Variants in SGCZ observed in about 807,000 individuals in gnomAD.
SGCZ encodes the protein sarcoglycan zeta.
Under a neutral mutation model 41.3 loss-of-function variants are expected in SGCZ, and 40 were observed. The observed-to-expected ratio is 0.97, with a 90% CI of 0.75 to 1.26. The LOEUF is 1.26. SGCZ is among the 50% of genes most tolerant of loss of function. The probability of loss-of-function intolerance (pLI) is 0.00; values close to 1 mark genes in which losing one functional copy is unlikely to be tolerated. For synonymous variants in SGCZ, 206 were observed against 137.5 expected (o/e 1.50, Z -3.49); for missense variants, 552 against 369.8 (o/e 1.49, Z -4.04).
chr8:14,619,469 G>A (rs1054889589), intron 1 of SGCZ, among the ~76,000 whole-genome samples: 6 of 151,958 alleles, frequency 3.9e-5, no homozygotes, highest in East Asian at 1.9e-4. Context: ...AAAAATAAAG[G>A]GTATTCAATT....
intron 2 of SGCZ, among the ~76,000 whole-genome samples, chr8:14,426,044 T>G (rs1799773563): frequency 6.6e-6 from 1 of 151,820 alleles, no homozygotes; most frequent in Admixed American, 6.6e-5. Context: ...CAAGAATTCA[T>G]TTTTTTTCTA....
chr8:14,793,453 T>C (rs975779204), intron 1 of SGCZ, among the ~76,000 whole-genome samples: 1 of 151,920 alleles, frequency 6.6e-6, no homozygotes, highest in African/African-American at 2.4e-5. Context: ...AAATAAACAA[T>C]AAAAAATTAT....
intron 1 of SGCZ, among the ~76,000 whole-genome samples, chr8:14,780,285 G>A (rs1004216099): frequency 6.7e-6 from 1 of 149,866 alleles, no homozygotes; most frequent in African/African-American, 2.5e-5. Flanking sequence ...TGAGGCAGGA[G>A]AATAGCACGA....
chr8:14,677,933 A>G (rs993038743), intron 1 of SGCZ, among the ~76,000 whole-genome samples: 4 of 152,226 alleles, frequency 2.6e-5, no homozygotes, highest in Non-Finnish European at 4.4e-5. Context: ...TCAAGATAAT[A>G]TGGTACTGGT....
At chr8:14,673,413 G>A (rs1012968705) in intron 1 of SGCZ, among the ~76,000 whole-genome samples, 2 of 151,084 alleles carry the variant, frequency 1.3e-5, no homozygotes, top group East Asian at 2.0e-4. Context: ...GCTCTCTCTC[G>A]CGCTCGCGCT....
intron 1 of SGCZ, among the ~76,000 whole-genome samples, chr8:14,799,023 T>C (rs1410373027): frequency 6.6e-6 from 1 of 151,866 alleles, no homozygotes; most frequent in Non-Finnish European, 1.5e-5. Flanking sequence ...AAAGTATTAC[T>C]CCATTTTCTT....
At chr8:14,910,835 T>C (rs182346707) in intron 1 of SGCZ, among the ~76,000 whole-genome samples, 1 of 152,116 alleles carries the variant, frequency 6.6e-6, no homozygotes, top group East Asian at 1.9e-4. Context: ...TTCATATTCT[T>C]ATTAAAAACC....
Position 15,054,942 on chromosome 8 carries a change from A to G in SGCZ, c.39+182643T>C, listed in dbSNP as rs372694274. ...GTGCCACTGCACTCCAGCCTGGGCAACAGAGCAAGACTCCATCTCAAAAAA... is the reference window on the plus strand; with the variant it reads ...GTGCCACTGCACTCCAGCCTGGGCAGCAGAGCAAGACTCCATCTCAAAAAA... On this transcript the variant is annotated intron_variant, in intron 1 of 7. Coordinates refer to ENST00000382080, the MANE Select transcript of SGCZ (RefSeq NM_139167.4). Among the ~76,000 whole-genome samples, 9 of 147,398 alleles carry G rather than the reference A, an allele frequency of 6.1e-5. No individual in the cohort carries two copies. In the South Asian group the frequency reaches 2.0e-3, roughly 34 times the overall value.
intron 1 of SGCZ, among the ~76,000 whole-genome samples, chr8:15,001,552 A>T (rs1802421567): frequency 6.6e-6 from 1 of 151,912 alleles, no homozygotes; most frequent in African/African-American, 2.4e-5. Flanking sequence ...ACACAGTGAA[A>T]CCCCATCTCT....
At chr8:14,600,610 C>A (rs182234761) in intron 1 of SGCZ, among the ~76,000 whole-genome samples, 1 of 152,118 alleles carries the variant, frequency 6.6e-6, no homozygotes, top group African/African-American at 2.4e-5. Context: ...CATTAGCAGA[C>A]AACAGGTGCT....
intron 5 of SGCZ, 55 bp downstream of exon 5, chr8:14,164,525 A>G: frequency 1.2e-6 from 2 of 1,601,796 alleles, no homozygotes; most frequent in Non-Finnish European, 1.7e-6. Context: ...CTCCTTGTGC[A>G]GTTGTATATT....
chr8:14,440,510 TTTTTA>T (rs147147025), intron 2 of SGCZ, among the ~76,000 whole-genome samples: 3,714 of 152,100 alleles, frequency 0.024, 137 homozygotes, highest in African/African-American at 0.081. Flanking sequence ...AACTCTTAGG[TTTTTA>T]TTTTATTTTA....
At chr8:14,253,350 T>C (rs930415320) in intron 3 of SGCZ, among the ~76,000 whole-genome samples, 32 of 151,984 alleles carry the variant, frequency 2.1e-4, no homozygotes, top group African/African-American at 7.2e-4. Context: ...CATAAGCAAC[T>C]GTAATATATT....
chr8:14,498,166 G>C (rs1802046761), intron 2 of SGCZ, among the ~76,000 whole-genome samples: 1 of 151,932 alleles, frequency 6.6e-6, no homozygotes, highest in Non-Finnish European at 1.5e-5. Flanking sequence ...TCTCTATCTA[G>C]GCATTGTCAA....
intron 1 of SGCZ, among the ~76,000 whole-genome samples, chr8:14,732,566 C>G (rs1182386277): frequency 1.3e-5 from 2 of 152,184 alleles, no homozygotes; most frequent in African/African-American, 2.4e-5. Context: ...CTAAGCCCCT[C>G]ACACTCCACT....
At chr8:14,987,319 T>A (rs560586019) in intron 1 of SGCZ, among the ~76,000 whole-genome samples, 21 of 152,068 alleles carry the variant, frequency 1.4e-4, no homozygotes, top group Non-Finnish European at 2.7e-4. Context: ...AGAGGAAATA[T>A]TCAAAACAGA....
At chr8:14,604,743 C>A (rs1805695330) in intron 1 of SGCZ, among the ~76,000 whole-genome samples, 1 of 152,046 alleles carries the variant, frequency 6.6e-6, no homozygotes, top group Admixed American at 6.5e-5. Context: ...AGAATTGTTA[C>A]TTTTACTTAA....
chr8:15,224,474 C>T (rs1360886991), intron 1 of SGCZ, among the ~76,000 whole-genome samples: 3 of 152,088 alleles, frequency 2.0e-5, no homozygotes, highest in Non-Finnish European at 4.4e-5. Flanking sequence ...CTTTATCAGA[C>T]TATCAAGAAA....
In SGCZ at chr8:14,256,277, C is replaced by A. The variant is rs145401562; in HGVS notation, c.337-18598G>T. Among the ~76,000 whole-genome samples, 534 of 152,142 alleles carry A rather than the reference C, an allele frequency of 3.5e-3. 2 individuals are homozygous for A. Among genetic ancestry groups the A allele is most frequent in the African/African-American group, 0.012 (498 of 41,524 alleles). On this transcript the variant is annotated intron_variant, in intron 3 of 7. Transcript: ENST00000382080. ...TCCTAAGAAAGATGTAAGAGAGGTGCATGTATGAGACATAGATTTTTGCCA... is the reference window on the plus strand; with the variant it reads ...TCCTAAGAAAGATGTAAGAGAGGTGAATGTATGAGACATAGATTTTTGCCA...
Sources: allele counts gnomAD v4.1 joint callset (sites outside exome capture counted in the v4.1 genomes callset), GRCh38; gene constraint gnomAD v4.1.1; transcripts MANE v1.5; gene names NCBI Gene and HGNC (gene_info 2026-07-23, HGNC 2026-07-21).